Variants in MINDY3 observed in about 807,000 individuals in gnomAD.
MINDY3 encodes MINDY lysine 48 deubiquitinase 3, also known as ubiquitin carboxyl-terminal hydrolase MINDY-3.
In MINDY3, 38 loss-of-function variants were observed where a neutral mutation model predicts 69.2. The observed-to-expected ratio is 0.55, with a 90% CI of 0.42 to 0.72. The LOEUF is 0.72. Among genes scored for constraint, MINDY3 ranks in the 30% least tolerant of loss-of-function variants. MINDY3 has a pLI of 0.00. For synonymous variants in MINDY3, 192 were observed against 180.1 expected (o/e 1.07, Z -0.53); for missense variants, 522 against 519.0 (o/e 1.01, Z -0.06).
intron 13 of MINDY3, among the ~76,000 whole-genome samples, chr10:15,785,827 GTCTC>G (rs1469921334): frequency 6.6e-6 from 1 of 152,010 alleles, no homozygotes; most frequent in Non-Finnish European, 1.5e-5. Flanking sequence ...TTGTCAATAT[GTCTC>G]TCTAATAATA....
chr10:15,850,206 G>A lies in MINDY3; in HGVS notation c.95-2263C>T, dbSNP rs544096804. Among the ~76,000 whole-genome samples the A allele has an allele frequency of 7.3e-4, 111 of 152,048 alleles. 1 individual carries two copies. Among genetic ancestry groups the A allele is most frequent in the Middle Eastern group, 3.4e-3 (1 of 294 alleles). On this transcript the variant is annotated intron_variant, in intron 1 of 14. Transcript: ENST00000277632. Reference sequence around the variant, plus strand: ...TTAATCTCTTAATCCCGTCATCTTCGTAAGCTGAGCATGTATGTCGCCTCA... The same window carrying A: ...TTAATCTCTTAATCCCGTCATCTTCATAAGCTGAGCATGTATGTCGCCTCA...
chr10:15,834,430 T>A, intron 7 of MINDY3, 113 bp downstream of exon 7: 1 of 673,470 alleles, frequency 1.5e-6, no homozygotes, highest in Non-Finnish European at 2.6e-6. Flanking sequence ...ATACATGTTG[T>A]ACTGTCAACA....
chr10:15,808,507 T>C (rs980502620), intron 10 of MINDY3, among the ~76,000 whole-genome samples: 1 of 152,154 alleles, frequency 6.6e-6, no homozygotes, highest in African/African-American at 2.4e-5. Flanking sequence ...CCGCAGTGTT[T>C]TTCCTGTTAC....
chr10:15,847,374 G>A (rs7100782), intron 2 of MINDY3, among the ~76,000 whole-genome samples: 2,297 of 152,238 alleles, frequency 0.015, 46 homozygotes, highest in African/African-American at 0.049. Context: ...CAGTTGTTAC[G>A]AATTTTATTC....
At chr10:15,848,657 AAAAAAG>A (rs1397508906) in intron 1 of MINDY3, among the ~76,000 whole-genome samples, 3 of 126,220 alleles carry the variant, frequency 2.4e-5, no homozygotes, top group East Asian at 3.9e-4. Flanking sequence ...AAAAAAAAAA[AAAAAAG>A]AAAGAAAAAT....
At position 15,809,255 on chromosome 10, in the gene MINDY3, G is replaced by C. The variant is rs938736542; in HGVS notation, c.882+7580C>G. Among the ~76,000 whole-genome samples, 6 of 152,206 alleles carry C rather than the reference G, an allele frequency of 3.9e-5. No individual in the cohort carries two copies. The South Asian group carries it at 8.3e-4, about 21-fold the overall frequency. On this transcript the variant is annotated intron_variant, in intron 10 of 14. Transcript: ENST00000277632. Reference sequence around the variant, plus strand: ...TAAATAATTATGGATTATTATGAAAGACCTGACTCCTAACATATTTGACAT... The same window carrying C: ...TAAATAATTATGGATTATTATGAAACACCTGACTCCTAACATATTTGACAT...
intron 4 of MINDY3, among the ~76,000 whole-genome samples, chr10:15,840,591 G>A (rs1265706635): frequency 2.6e-5 from 4 of 151,524 alleles, no homozygotes; most frequent in Admixed American, 6.6e-5. Flanking sequence ...ATCTCTTTAC[G>A]AAAACTTTCC....
chr10:15,795,024 A>C (rs1278749290), intron 11 of MINDY3, among the ~76,000 whole-genome samples: 1 of 151,962 alleles, frequency 6.6e-6, no homozygotes, highest in Non-Finnish European at 1.5e-5. Context: ...GTGGTTCCAA[A>C]ATCTTCACTA....
At chr10:15,805,262 A>G (rs1838555504) in intron 10 of MINDY3, among the ~76,000 whole-genome samples, 1 of 152,162 alleles carries the variant, frequency 6.6e-6, no homozygotes, top group South Asian at 2.1e-4. Flanking sequence ...TGAAAGGCTT[A>G]AAGAATAAAC....
intron 1 of MINDY3, among the ~76,000 whole-genome samples, chr10:15,854,289 G>A (rs1429550529): frequency 6.6e-6 from 1 of 152,100 alleles, no homozygotes; most frequent in African/African-American, 2.4e-5. Flanking sequence ...TACTTCTCAT[G>A]CCTTTTCCAA....
Position 15,839,179 on chromosome 10 carries a change from A to C in MINDY3, c.410-900T>G, listed in dbSNP as rs1833294630. ...GAAAATTGATTCATTATGAAGTCAA[A>C]ATTTTAGATTTTTATTTACAATTTA... On this transcript the variant is annotated intron_variant, in intron 4 of 14. Coordinates refer to ENST00000277632, the MANE Select transcript of MINDY3 (RefSeq NM_024948.4). 1.3e-5 allele frequency among the ~76,000 whole-genome samples: 2 copies of C among 151,742 alleles called. 1 individual carries two copies. Among genetic ancestry groups the C allele is most frequent in the South Asian group, 4.1e-4 (2 of 4,834 alleles).
chr10:15,837,474 T>G, intron 5 of MINDY3, 156 bp from the exon 6 acceptor site: 1 of 1,388,302 alleles, frequency 7.2e-7, no homozygotes, highest in East Asian at 2.6e-5. Context: ...ATTTAGCCAC[T>G]AAAACCAAAA....
At chr10:15,781,400 A>T (rs933562753) in intron 14 of MINDY3, among the ~76,000 whole-genome samples, 6 of 147,222 alleles carry the variant, frequency 4.1e-5, no homozygotes, top group Admixed American at 2.0e-4. Context: ...ATACATATAT[A>T]TTATATATAT....
intron 10 of MINDY3, 64 bp from the exon 11 acceptor site, chr10:15,796,236 T>C (rs964792674): frequency 1.6e-6 from 2 of 1,255,642 alleles, no homozygotes; most frequent in African/African-American, 3.0e-5. Context: ...AGAAAACAGA[T>C]ACTAGGGTAG....
At chr10:15,832,688 A>C (rs115978362) in intron 8 of MINDY3, among the ~76,000 whole-genome samples, 204 of 152,290 alleles carry the variant, frequency 1.3e-3, no homozygotes, top group African/African-American at 4.6e-3. Context: ...TTAGTTCTTA[A>C]ATTTTTTAAA....
chr10:15,789,551 C>T (rs981658912), intron 11 of MINDY3, among the ~76,000 whole-genome samples: 3 of 151,956 alleles, frequency 2.0e-5, no homozygotes, highest in East Asian at 1.9e-4. Flanking sequence ...TTGAGAACTC[C>T]GACGAAAGCT....
At chr10:15,788,791 T>C (rs1413946503) in intron 12 of MINDY3, 1 of 153,252 alleles carries the variant, frequency 6.5e-6, no homozygotes, top group East Asian at 1.9e-4. Flanking sequence ...CCCTAAAAGT[T>C]TCAGGTCAGT....
At position 15,841,441 on chromosome 10, in the gene MINDY3, G is replaced by C; in HGVS notation, c.394C>G (p.Gln132Glu). Residue 132 changes from glutamine (Q) to glutamate (E), a missense_variant, in exon 4 of 15, where the codon CAA becomes GAA. Physicochemically the swap from Gln to Glu is conservative, Grantham distance 29. Transcript: ENST00000277632. The stretch of plus-strand genomic sequence containing the variant: ...TATATCTTACAAGAATGTTCCACTT[G>C]GCAACTAGACTCTGCAGGACTCCCA... ...ISGSPAESSC[Q>E]VEHSSALAVE... 6.2e-7 allele frequency: 1 copy of C among 1,607,312 alleles called. No homozygotes were observed. The highest frequency in any genetic ancestry group is 8.5e-7 in the Non-Finnish European group (1 of 1,177,074).
At chr10:15,788,273 G>GAAAAC in intron 12 of MINDY3, among the ~76,000 whole-genome samples, 2 of 152,144 alleles carry the variant, frequency 1.3e-5, no homozygotes, top group Admixed American at 1.3e-4. Flanking sequence ...TCTTTAAATT[G>GAAAAC]AAAACAATTA....
Sources: allele counts gnomAD v4.1 joint callset (sites outside exome capture counted in the v4.1 genomes callset), GRCh38; gene constraint gnomAD v4.1.1; transcripts MANE v1.5; gene names NCBI Gene and HGNC (gene_info 2026-07-23, HGNC 2026-07-21).